Variants in FAT1 observed in about 807,000 individuals in gnomAD.
The protein encoded by FAT1 is protocadherin Fat 1.
Under a neutral mutation model 329.8 loss-of-function variants are expected in FAT1, and 171 were observed. The observed-to-expected ratio is 0.52, with a 90% CI of 0.46 to 0.59. The LOEUF (loss-of-function observed/expected upper bound fraction) is 0.59. FAT1 is among the 20% of genes least tolerant of loss of function. The probability of loss-of-function intolerance (pLI) is 0.00; values close to 1 mark genes in which losing one functional copy is unlikely to be tolerated. For synonymous variants in FAT1, 2,233 were observed against 2,228.6 expected, an observed-to-expected ratio of 1.00 and a Z score of -0.06; for missense variants, 5,672 against 5,774.4, an observed-to-expected ratio of 0.98 and a Z score of 0.57.
In FAT1 at chr4:186,603,902, G is replaced by C. The variant is rs764225334; in HGVS notation, c.10624C>G (p.Pro3542Ala). The C allele has an allele frequency of 6.2e-7, 1 of 1,613,748 alleles. No homozygotes were observed. Among genetic ancestry groups the C allele is most frequent in the Admixed American group, 1.7e-5 (1 of 59,986 alleles). The change falls in exon 19 of 27, where the codon CCG becomes GCG. Residue 3542 changes from proline to alanine, a missense_variant. Physicochemically the swap from Pro to Ala is conservative, Grantham distance 27 (BLOSUM62 -1). This residue lies in a region of FAT1 where 1,706 missense variants were observed against 1,859.1 expected (regional missense o/e 0.92). Coordinates refer to ENST00000441802, the MANE Select transcript of FAT1 (RefSeq NM_005245.4). ...ATCTCCAGGGGCAAAATCGCAGGCG[G>C]ATAGATGCTCTCCTCAATTACCCTA... ...DIRVIEESIY[P>A]PAILPLEIFI...
Position 186,600,275 on chromosome 4 carries a change from C to T in FAT1, c.11726G>A (p.Gly3909Glu), listed in dbSNP as rs2126414410. ...TTCCAGGGCCACTGCGTGCCACTGCCCATCATTGACCTGAATGCTCTGAAC... is the reference window on the plus strand; with the variant it reads ...TTCCAGGGCCACTGCGTGCCACTGCTCATCATTGACCTGAATGCTCTGAAC... ...VSVQSIQVNDGQWHAVALEVN... is the reference protein window; with the variant it reads ...VSVQSIQVNDEQWHAVALEVN... The change falls in exon 22 of 27, where the codon GGG becomes GAG. Residue 3909 changes from glycine (G) to glutamate (E), a missense_variant. Transcript: ENST00000441802. 1.2e-6 allele frequency: 2 copies of T among 1,613,850 alleles called. No homozygotes were observed. The highest frequency in any genetic ancestry group is 1.7e-6 in the Non-Finnish European group (2 of 1,179,838).
intron 2 of FAT1, among the ~76,000 whole-genome samples, chr4:186,684,836 G>A (rs543854453): frequency 1.3e-5 from 2 of 152,272 alleles, no homozygotes; most frequent in East Asian, 1.9e-4. Flanking sequence ...CAGAGGAGGC[G>A]TGGTTTTCAT....
rs745963709 is a variant in FAT1, at chr4:186,596,611, G to A, written c.12929C>T (p.Pro4310Leu). Residue 4310 changes from proline (P) to leucine (L), a missense_variant, in exon 25 of 27, where the codon CCC becomes CTC. Pro to Leu is a moderately conservative substitution (Grantham distance 98). Around this residue, in one of 2 missense-constraint regions of FAT1, gnomAD observed 1,706 missense variants for 1,859.1 expected, o/e 0.92. Coordinates refer to ENST00000441802, the MANE Select transcript of FAT1 (RefSeq NM_005245.4). This position sits in a 1 kb window ranked among gnomAD's most constrained non-coding sequence, Gnocchi z 4.7. ...AGAAGGGGAGTTTGAAGGGGGTGGG[G>A]GAGGCAGGTTTGGCGCCACGCTGCA... ...AVCSVAPNLPPPPPSNSPSDS... is the reference protein window; with the variant it reads ...AVCSVAPNLPLPPPSNSPSDS... 5.0e-6 allele frequency: 8 copies of A among 1,612,306 alleles called. No individual in the cohort carries two copies. Among genetic ancestry groups the A allele is most frequent in the Non-Finnish European group, 6.8e-6 (8 of 1,179,210 alleles).
chr4:186,660,590 G>A (rs751026940), intron 3 of FAT1, among the ~76,000 whole-genome samples: 4 of 152,128 alleles, frequency 2.6e-5, no homozygotes, highest in East Asian at 3.9e-4. Context: ...TCCTCCTGCC[G>A]CCCTGCCAGC....
In FAT1 at chr4:186,603,181, C is replaced by A; in HGVS notation, c.11345G>T (p.Cys3782Phe). ...CATACACTCATGTGCAGTACCTTTG[C>A]AGAGACACACCGCTGCCCTGTGGTG... ...PRHHRAAVCL[C>F]KEGRCPPVHH... The change falls in exon 19 of 27, where the codon TGC (cysteine) becomes TTC (phenylalanine). Residue 3782 changes from cysteine (C) to phenylalanine (F), a missense_variant. This residue lies in a region of FAT1 where 1,706 missense variants were observed against 1,859.1 expected (regional missense o/e 0.92). Coordinates refer to ENST00000441802, the MANE Select transcript of FAT1 (RefSeq NM_005245.4). 1 of 1,613,636 alleles carries A rather than the reference C, an allele frequency of 6.2e-7. No homozygotes were observed. Among genetic ancestry groups the A allele is most frequent in the Non-Finnish European group, 8.5e-7 (1 of 1,179,730 alleles).
chr4:186,714,711 G>C (rs1313551254), intron 1 of FAT1, among the ~76,000 whole-genome samples: 1 of 152,210 alleles, frequency 6.6e-6, no homozygotes, highest in African/African-American at 2.4e-5. Flanking sequence ...GGTGTGATAA[G>C]AAACAGTGAG....
chr4:186,632,821 C>T (rs1170304442), intron 7 of FAT1, among the ~76,000 whole-genome samples: 1 of 152,174 alleles, frequency 6.6e-6, no homozygotes, highest in Non-Finnish European at 1.5e-5. Flanking sequence ...AAATTTCAAA[C>T]TCAGATGCAC....
intron 3 of FAT1, among the ~76,000 whole-genome samples, chr4:186,644,567 G>A (rs1457918951): frequency 2.0e-5 from 3 of 152,158 alleles, no homozygotes; most frequent in Non-Finnish European, 4.4e-5. Flanking sequence ...CAGTAACAAA[G>A]TTTATGGCAC....
At chr4:186,714,710 A>C (rs2126714206) in intron 1 of FAT1, among the ~76,000 whole-genome samples, 1 of 152,342 alleles carries the variant, frequency 6.6e-6, no homozygotes, top group Admixed American at 6.5e-5. Context: ...TGGTGTGATA[A>C]GAAACAGTGA....
intron 2 of FAT1, among the ~76,000 whole-genome samples, chr4:186,702,411 G>T (rs1356904943): frequency 6.6e-6 from 1 of 152,126 alleles, no homozygotes; most frequent in Non-Finnish European, 1.5e-5. Flanking sequence ...GTCAGAAGGG[G>T]AAACACTCGT....
chr4:186,664,919 T>TTA (rs1480622537), intron 2 of FAT1, among the ~76,000 whole-genome samples: 2 of 152,180 alleles, frequency 1.3e-5, no homozygotes, highest in East Asian at 3.8e-4. Flanking sequence ...CAATGAAACA[T>TTA]TTGGTTGAGA....
chr4:186,627,514 A>G (rs1220171779), intron 9 of FAT1, among the ~76,000 whole-genome samples: 1 of 151,516 alleles, frequency 6.6e-6, no homozygotes, highest in African/African-American at 2.4e-5. Flanking sequence ...CCAGGACCGC[A>G]GCTCCAGCTG....
rs2126684513 is a variant in FAT1 at position 186,706,976 on chromosome 4, G to A, written c.2852C>T (p.Ala951Val). The change falls in exon 2 of 27, where the codon GCC becomes GTC. Residue 951 changes from alanine to valine, a missense_variant. Physicochemically the swap from Ala to Val is moderately conservative, Grantham distance 64 (BLOSUM62 0). This residue lies in a region of FAT1 where 3,966 missense variants were observed against 3,915.2 expected (regional missense o/e 1.01). Transcript: ENST00000441802. Reference protein sequence around the residue: ...PEGTVIMWLEAHDPDLGQSGQ... With the variant: ...PEGTVIMWLEVHDPDLGQSGQ... ...AGACTGACCTAAATCAGGATCGTGG[G>A]CTTCTAACCACATGATGACGGTTCC... 1 of 1,613,976 alleles carries A rather than the reference G, an allele frequency of 6.2e-7. No individual in the cohort carries two copies. The highest frequency in any genetic ancestry group is 1.1e-5 in the South Asian group (1 of 91,074).
chr4:186,625,366 G>A (rs1193555055), intron 9 of FAT1, among the ~76,000 whole-genome samples: 1 of 152,110 alleles, frequency 6.6e-6, no homozygotes, highest in East Asian at 1.9e-4. Flanking sequence ...CAGTGTATGA[G>A]ATCTTATTTG....
At position 186,597,716 on chromosome 4, in the gene FAT1, C is replaced by T. The variant is rs767305041; in HGVS notation, c.12334G>A (p.Val4112Ile). The T allele has an allele frequency of 9.8e-5, 158 of 1,613,894 alleles. No homozygotes were observed. Among genetic ancestry groups the T allele is most frequent in the Non-Finnish European group, 1.2e-4 (143 of 1,179,854 alleles). ...GTCFDSLDGA[V>I]CQCDSGFRGE... ...CTAAAACCCGAATCACACTGACAAA[C>T]GGCGCCATCCAAACTGTCAAAGCAT... The change falls in exon 24 of 27, where the codon GTT becomes ATT. Residue 4112 changes from valine to isoleucine, a missense_variant. By Grantham distance (29) the Val-to-Ile change is conservative. Coordinates refer to ENST00000441802, the MANE Select transcript of FAT1 (RefSeq NM_005245.4).
Position 186,628,738 on chromosome 4 carries a change from T to C in FAT1, c.4349A>G (p.Asn1450Ser). Residue 1450 changes from asparagine (N) to serine (S), a missense_variant, in exon 8 of 27, where the codon AAT becomes AGT. Around this residue, in one of 2 missense-constraint regions of FAT1, gnomAD observed 3,966 missense variants for 3,915.2 expected, o/e 1.01. Coordinates refer to ENST00000441802, the MANE Select transcript of FAT1 (RefSeq NM_005245.4). ...TGTAGAAAACTGAGGACGATGGTCATTTGTGTCTATTACTTTGATGAATAC... is the reference window on the plus strand; with the variant it reads ...TGTAGAAAACTGAGGACGATGGTCACTTGTGTCTATTACTTTGATGAATAC... ...TQVFIKVIDT[N>S]DHRPQFSTSK... 1 of 1,613,460 alleles carries C rather than the reference T, an allele frequency of 6.2e-7. No individual in the cohort carries two copies. The highest frequency in any genetic ancestry group is 8.5e-7 in the Non-Finnish European group (1 of 1,179,810).
intron 2 of FAT1, among the ~76,000 whole-genome samples, chr4:186,688,114 G>GA (rs55834504): frequency 0.12 from 6,679 of 55,446 alleles, 350 homozygotes; most frequent in East Asian, 0.23. Context: ...ACTCAAAGCT[G>GA]AAAAAAAAAA....
chr4:186,600,463 G>A, intron 21 of FAT1, 103 bp from the exon 22 acceptor site: 1 of 926,418 alleles, frequency 1.1e-6, no homozygotes, highest in Non-Finnish European at 1.6e-6. Flanking sequence ...GAGGGTAGAA[G>A]TTAGGCCTTA....
intron 26 of FAT1, chr4:186,592,833 T>C (rs1213129155): frequency 8.9e-6 from 4 of 450,194 alleles, no homozygotes; most frequent in Admixed American, 7.2e-5. Context: ...AGTTTTGTAT[T>C]ATACCATTTC....
Sources: allele counts gnomAD v4.1 joint callset (sites outside exome capture counted in the v4.1 genomes callset), GRCh38; gene constraint gnomAD v4.1.1; regional missense constraint gnomAD v4.1.1; non-coding constraint Gnocchi (gnomAD v3.1); transcripts MANE v1.5; gene names NCBI Gene and HGNC (gene_info 2026-07-23, HGNC 2026-07-21).